Variants in NFIA observed in about 807,000 individuals in gnomAD.
NFIA encodes the protein nuclear factor I A, also known as nuclear factor 1 A-type.
In NFIA, 8 loss-of-function variants were observed where a neutral mutation model predicts 62.8. The observed-to-expected ratio is 0.13, with a 90% CI of 0.07 to 0.23. NFIA has a LOEUF of 0.23. Ranked by LOEUF, NFIA falls within the 10% of genes least tolerant of loss-of-function variation. The probability of loss-of-function intolerance (pLI) is 1.00; values close to 1 mark genes in which losing one functional copy is unlikely to be tolerated. For synonymous variants in NFIA, 235 were observed against 238.1 expected, an observed-to-expected ratio of 0.99 and a Z score of 0.12; for missense variants, 410 against 642.1, an observed-to-expected ratio of 0.64 and a Z score of 3.91.
chr1:61,328,367 TG>T (rs1383336121), intron 3 of NFIA, among the ~76,000 whole-genome samples: 3 of 151,970 alleles, frequency 2.0e-5, no homozygotes, highest in African/African-American at 4.8e-5. Flanking sequence ...AGACCTGCCC[TG>T]GCCACCCTTT....
intron 2 of NFIA, among the ~76,000 whole-genome samples, chr1:61,107,286 A>T (rs542488862): frequency 2.4e-4 from 37 of 151,648 alleles, no homozygotes; most frequent in African/African-American, 8.7e-4. Flanking sequence ...TTATACGATC[A>T]CTCGCTGTAG....
At chr1:61,330,436 A>ACAC (rs1553173845) in intron 3 of NFIA, among the ~76,000 whole-genome samples, 67 of 63,524 alleles carry the variant, frequency 1.1e-3, no homozygotes, top group African/African-American at 3.1e-3. Flanking sequence ...AAATAGATAC[A>ACAC]CCCCCCCCAC....
At chr1:61,112,954 A>T (rs1263651188) in intron 2 of NFIA, among the ~76,000 whole-genome samples, 1 of 152,180 alleles carries the variant, frequency 6.6e-6, no homozygotes, top group Non-Finnish European at 1.5e-5. Context: ...AATTAAAATT[A>T]GCATGCTTCA....
At chr1:61,304,013 G>A (rs755097237) in intron 3 of NFIA, among the ~76,000 whole-genome samples, 44 of 151,492 alleles carry the variant, frequency 2.9e-4, no homozygotes, top group Admixed American at 5.2e-4. Context: ...GGTGGCTCAC[G>A]CCTGTAAACC....
intron 4 of NFIA, among the ~76,000 whole-genome samples, chr1:61,350,062 A>G (rs1348175075): frequency 1.3e-5 from 2 of 151,996 alleles, no homozygotes; most frequent in African/African-American, 4.8e-5. Flanking sequence ...TTTCACCTCC[A>G]TGCCTACCCT....
At chr1:61,223,187 A>C (rs562811928) in intron 2 of NFIA, among the ~76,000 whole-genome samples, 1 of 152,176 alleles carries the variant, frequency 6.6e-6, no homozygotes, top group South Asian at 2.1e-4. Context: ...ATAAAATTTC[A>C]CTATTTAAAG....
At chr1:61,166,908 A>G (rs941481719) in intron 2 of NFIA, among the ~76,000 whole-genome samples, 3 of 152,194 alleles carry the variant, frequency 2.0e-5, no homozygotes, top group Non-Finnish European at 4.4e-5. Flanking sequence ...TTGGGAGGCC[A>G]AGGCGGGCGG....
intron 5 of NFIA, among the ~76,000 whole-genome samples, chr1:61,357,043 GTC>G (rs1210060689): frequency 4.6e-5 from 7 of 152,158 alleles, no homozygotes; most frequent in Admixed American, 1.3e-4. Context: ...ATTTCGGGGA[GTC>G]TACATTGCTT....
intron 3 of NFIA, among the ~76,000 whole-genome samples, chr1:61,313,720 A>G (rs1450109519): frequency 6.6e-6 from 1 of 152,216 alleles, no homozygotes; most frequent in Non-Finnish European, 1.5e-5. Flanking sequence ...TGGTACTTAG[A>G]TGTGCACATC....
chr1:61,402,486 A>G (rs996005283), intron 7 of NFIA, among the ~76,000 whole-genome samples: 1 of 152,262 alleles, frequency 6.6e-6, no homozygotes, highest in Middle Eastern at 3.4e-3. Context: ...TTCAACAAAT[A>G]TTTATTGAGT....
intron 6 of NFIA, among the ~76,000 whole-genome samples, chr1:61,370,763 T>G (rs1191354272): frequency 1.3e-5 from 2 of 152,210 alleles, no homozygotes; most frequent in African/African-American, 2.4e-5. Context: ...ATTCAGACAA[T>G]ACTCCCACAC....
chr1:61,229,770 A>G (rs1184399545), intron 2 of NFIA, among the ~76,000 whole-genome samples: 2 of 152,314 alleles, frequency 1.3e-5, no homozygotes, highest in South Asian at 2.1e-4. Context: ...CTTACTAAAA[A>G]TCATGTGGAA....
intron 6 of NFIA, among the ~76,000 whole-genome samples, chr1:61,362,479 C>T (rs1241639827): frequency 1.3e-5 from 2 of 152,158 alleles, no homozygotes; most frequent in African/African-American, 2.4e-5. Flanking sequence ...AATGCTTTTC[C>T]AGGACTCCCT....
At chr1:61,375,184 T>C (rs1292397754) in intron 6 of NFIA, among the ~76,000 whole-genome samples, 2 of 152,194 alleles carry the variant, frequency 1.3e-5, no homozygotes, top group African/African-American at 4.8e-5. Flanking sequence ...ATTACTAGAG[T>C]GCAGTATAGC....
At chr1:61,144,187 C>A (rs936265541) in intron 2 of NFIA, among the ~76,000 whole-genome samples, 4 of 152,150 alleles carry the variant, frequency 2.6e-5, no homozygotes, top group African/African-American at 7.2e-5. Flanking sequence ...GTGGCATTAG[C>A]ATAACATGGG....
At chr1:61,435,445 G>A (rs925090719) in intron 10 of NFIA, among the ~76,000 whole-genome samples, 3 of 152,194 alleles carry the variant, frequency 2.0e-5, no homozygotes, top group Non-Finnish European at 2.9e-5. Context: ...AACCCATGCC[G>A]TTCCTAACAT....
rs992826407 is a variant in NFIA, at chr1:61,458,161, T to A, written c.*2841T>A. ...TTCCCCTATAGCACTTAGCTGGGCA[T>A]TACTTTATTATGACATATGTGCACT... On this transcript the variant is annotated 3_prime_UTR_variant, in exon 11 of 11. Coordinates refer to ENST00000403491, the MANE Select transcript of NFIA (RefSeq NM_001134673.4). 1 of 151,290 alleles carries A rather than the reference T, an allele frequency of 6.6e-6. No homozygotes were observed. The highest frequency in any genetic ancestry group is 2.4e-5 in the African/African-American group (1 of 41,102). The allele number at this position is 151,290 out of a possible 1,614,324, so 9.4% of individuals were successfully genotyped here. A position where few individuals can be genotyped will look rare whatever the true frequency, so the allele number is the denominator to read the frequency against.
intron 2 of NFIA, among the ~76,000 whole-genome samples, chr1:61,240,724 T>A (rs1014550242): frequency 6.6e-6 from 1 of 152,154 alleles, no homozygotes; most frequent in African/African-American, 2.4e-5. Context: ...AATTCAGTTT[T>A]CTACAAAACT....
chr1:61,391,630 A>G (rs1664991009), intron 7 of NFIA, among the ~76,000 whole-genome samples: 1 of 152,190 alleles, frequency 6.6e-6, no homozygotes, highest in Non-Finnish European at 1.5e-5. Flanking sequence ...CCCTATTTGT[A>G]GAATATTTCC....
Sources: allele counts gnomAD v4.1 joint callset (sites outside exome capture counted in the v4.1 genomes callset), GRCh38; gene constraint gnomAD v4.1.1; transcripts MANE v1.5; gene names NCBI Gene and HGNC (gene_info 2026-07-23, HGNC 2026-07-21).